CSMD3: variants seen among roughly 807,000 people sequenced by gnomAD.
CSMD3 encodes the protein CUB and Sushi multiple domains 3, also known as CUB and sushi domain-containing protein 3.
A neutral mutation model predicts 435.2 loss-of-function variants in CSMD3; 177 were observed. That is an observed-to-expected ratio of 0.41 (90% CI 0.36 to 0.46). CSMD3 has a LOEUF of 0.46. Among genes scored for constraint, CSMD3 ranks in the 20% least tolerant of loss-of-function variants. The probability of loss-of-function intolerance (pLI) is 0.34; values close to 1 mark genes in which losing one functional copy is unlikely to be tolerated. For missense variants in CSMD3, 4,265 were observed against 4,504.6 expected (o/e 0.95, Z 1.52); for synonymous variants, 1,656 against 1,520.5 (o/e 1.09, Z -2.07).
intron 13 of CSMD3, among the ~76,000 whole-genome samples, chr8:112,730,924 G>A (rs925059989): frequency 1.3e-5 from 2 of 152,010 alleles, no homozygotes; most frequent in African/African-American, 2.4e-5. Flanking sequence ...ACGGGAGAAC[G>A]TACCTAAGAG....
At chr8:112,282,218 T>C (rs1227856914) in intron 58 of CSMD3, among the ~76,000 whole-genome samples, 1 of 151,700 alleles carries the variant, frequency 6.6e-6, no homozygotes, top group African/African-American at 2.4e-5. Context: ...TTGCCTATCA[T>C]TTGTATAACT....
rs546410544 is a variant in CSMD3 at position 112,492,038 on chromosome 8, C to T, written c.5278+451G>A. Among the ~76,000 whole-genome samples, 34 of 152,240 alleles carry T rather than the reference C, an allele frequency of 2.2e-4. 1 individual carries two copies. In the South Asian group the frequency reaches 2.5e-3, roughly 11 times the overall value. ...GACAACCTAATTCCTAGAAGAAATA[C>T]ATATTCTTCTTTATCCTTATTACAG... is the stretch of plus-strand genomic sequence containing the variant. On this transcript the variant is annotated intron_variant, in intron 31 of 70. Coordinates refer to ENST00000297405, the MANE Select transcript of CSMD3 (RefSeq NM_198123.2).
chr8:112,358,737 CT>C (rs1220176314), intron 38 of CSMD3, among the ~76,000 whole-genome samples: 1 of 152,106 alleles, frequency 6.6e-6, no homozygotes, highest in Non-Finnish European at 1.5e-5. Context: ...AGTTAAACCT[CT>C]TACTTTGTAA....
intron 1 of CSMD3, among the ~76,000 whole-genome samples, chr8:113,374,818 T>TAAA (rs1215451792): frequency 0.021 from 576 of 27,924 alleles, 23 homozygotes; most frequent in African/African-American, 0.038. Context: ...TGTTAAAAAG[T>TAAA]AAAAAAAAAA....
At chr8:113,408,704 T>C (rs952253795) in intron 1 of CSMD3, among the ~76,000 whole-genome samples, 1 of 151,086 alleles carries the variant, frequency 6.6e-6, no homozygotes, top group Non-Finnish European at 1.5e-5. Context: ...GTTGTTCAGG[T>C]TGGCGTGCAG....
At chr8:113,416,847 T>C (rs2094583854) in intron 1 of CSMD3, among the ~76,000 whole-genome samples, 1 of 152,086 alleles carries the variant, frequency 6.6e-6, no homozygotes, top group Admixed American at 6.6e-5. Flanking sequence ...ATTTCCTCTT[T>C]AGCAATCTTT....
intron 32 of CSMD3, among the ~76,000 whole-genome samples, chr8:112,410,614 A>ATG (rs1554670633): frequency 1.6e-4 from 5 of 31,128 alleles, no homozygotes; most frequent in African/African-American, 4.3e-4. Context: ...GTATATATAT[A>ATG]TGTATATATA....
At chr8:112,472,132 G>C (rs755651284) in intron 32 of CSMD3, among the ~76,000 whole-genome samples, 5 of 152,134 alleles carry the variant, frequency 3.3e-5, no homozygotes, top group Non-Finnish European at 7.4e-5. Context: ...GAAACTAGAT[G>C]CTTAAAACCA....
chr8:112,999,164 C>T (rs2085767338), intron 6 of CSMD3, among the ~76,000 whole-genome samples: 1 of 151,542 alleles, frequency 6.6e-6, no homozygotes, highest in African/African-American at 2.4e-5. Flanking sequence ...CTTTATGAGG[C>T]TTTTACTGAA....
At chr8:112,744,224 GAGCCTAA>G (rs1297369068) in intron 13 of CSMD3, among the ~76,000 whole-genome samples, 1 of 152,008 alleles carries the variant, frequency 6.6e-6, no homozygotes, top group Non-Finnish European at 1.5e-5. Context: ...ATGTCATTGA[GAGCCTAA>G]ACTAAATCTA....
chr8:112,665,337 G>A (rs1248712002), intron 17 of CSMD3, among the ~76,000 whole-genome samples: 1 of 152,024 alleles, frequency 6.6e-6, no homozygotes, highest in Non-Finnish European at 1.5e-5. Flanking sequence ...GTTGTCTAAC[G>A]TTTTTGTTTT....
intron 4 of CSMD3, among the ~76,000 whole-genome samples, chr8:113,156,732 C>CTAAATAAATAAA (rs34302914): frequency 0.014 from 1,454 of 105,716 alleles, 12 homozygotes; most frequent in Admixed American, 0.021. Flanking sequence ...AAAATCTCAC[C>CTAAATAAATAAA]TAAATAAATA....
At chr8:112,473,937 C>T (rs763756337) in intron 31 of CSMD3, among the ~76,000 whole-genome samples, 1 of 151,766 alleles carries the variant, frequency 6.6e-6, no homozygotes, top group South Asian at 2.1e-4. Context: ...AGCCTGTTGC[C>T]GACAGCTAGT....
chr8:112,741,258 C>G (rs1043228287), intron 13 of CSMD3, among the ~76,000 whole-genome samples: 1 of 151,840 alleles, frequency 6.6e-6, no homozygotes, highest in Non-Finnish European at 1.5e-5. Flanking sequence ...ACTCCTACAA[C>G]TCAATAGCAA....
chr8:113,109,916 C>G (rs987635553), intron 4 of CSMD3, among the ~76,000 whole-genome samples: 5 of 151,950 alleles, frequency 3.3e-5, no homozygotes, highest in African/African-American at 1.2e-4. Flanking sequence ...TAGACATAGC[C>G]CATGTCGTTC....
At chr8:112,285,366 A>G (rs1281807372) in intron 58 of CSMD3, among the ~76,000 whole-genome samples, 1 of 152,044 alleles carries the variant, frequency 6.6e-6, no homozygotes, top group Admixed American at 6.6e-5. Flanking sequence ...ACTCAGCACT[A>G]TGTTTTCCAA....
intron 35 of CSMD3, 40 bp from the exon 36 acceptor site, chr8:112,390,828 T>A (rs2129728741): frequency 1.3e-6 from 2 of 1,591,106 alleles, no homozygotes; most frequent in Non-Finnish European, 1.7e-6. Context: ...TTAATTCTAA[T>A]GCAAAGGATT....
chr8:112,320,028 G>T, intron 45 of CSMD3, 47 bp from the exon 46 acceptor site: 7 of 1,226,398 alleles, frequency 5.7e-6, no homozygotes, highest in Non-Finnish European at 8.5e-6. Flanking sequence ...GCAGCTACAT[G>T]TATTCACATA....
intron 2 of CSMD3, among the ~76,000 whole-genome samples, chr8:113,283,718 A>G (rs1405102255): frequency 2.0e-5 from 3 of 152,106 alleles, no homozygotes. Context: ...ATCCACCAAT[A>G]CCACCACTGG....
Sources: allele counts gnomAD v4.1 joint callset (sites outside exome capture counted in the v4.1 genomes callset), GRCh38; gene constraint gnomAD v4.1.1; transcripts MANE v1.5; gene names NCBI Gene and HGNC (gene_info 2026-07-23, HGNC 2026-07-21).